NR3C1: variants seen among roughly 807,000 people sequenced by gnomAD.
NR3C1 encodes the protein nuclear receptor subfamily 3 group C member 1.
NR3C1 carries 14 observed loss-of-function variants against 74.0 expected under a neutral mutation model. The observed-to-expected ratio is 0.19, with a 90% CI of 0.12 to 0.30. The LOEUF is 0.30. Ranked by LOEUF, NR3C1 falls within the 10% of genes least tolerant of loss-of-function variation. The pLI, the probability that NR3C1 is intolerant of heterozygous loss-of-function variation, is 1.00. For missense variants in NR3C1, 695 were observed against 909.8 expected (o/e 0.76, Z 3.04); for synonymous variants, 308 against 332.5 (o/e 0.93, Z 0.80).
Position 143,283,593 on chromosome 5 carries a change from T to C in NR3C1, c.2024-868A>G, listed in dbSNP as rs116902517. Among the ~76,000 whole-genome samples, 155 of 152,344 alleles carry C rather than the reference T, an allele frequency of 1.0e-3. 3 individuals carry two copies. In the East Asian group the frequency reaches 0.022, roughly 22 times the overall value. ...TTATAACTTTAAAATCGGCATGCAA[T>C]ACTTTTTTTAATGTAGCTAATAGAT... On this transcript the variant is annotated intron_variant, in intron 7 of 8. Coordinates refer to ENST00000394464, the MANE Select transcript of NR3C1 (RefSeq NM_000176.3).
upstream of NR3C1, chr5:143,403,925 T>C (rs1200897698): frequency 1.0e-6 from 1 of 983,076 alleles, no homozygotes; most frequent in Non-Finnish European, 1.2e-6. Context: ...TGCGCCGCGC[T>C]TCGCCCCCCG....
In NR3C1 at chr5:143,400,432, TG is replaced by T; in HGVS notation, c.407del (p.Pro136GlnfsTer35). Reference sequence around the variant, plus strand: ...TGGATGCTGAACTCTTGGGGTTCTCTGGAACACTGGTCGACCTATTGAGGTT... The same window carrying T: ...TGGATGCTGAACTCTTGGGGTTCTCTGAACACTGGTCGACCTATTGAGGTT... ...IANLNRSTSV[P>X]ENPKSSASTA... On this transcript the variant is annotated frameshift_variant, in exon 2 of 9. Coordinates refer to ENST00000394464, the MANE Select transcript of NR3C1 (RefSeq NM_000176.3). LOFTEE classifies it high-confidence loss of function. The T allele has an allele frequency of 6.2e-7, 1 of 1,614,238 alleles. No individual in the cohort carries two copies. Among genetic ancestry groups the T allele is most frequent in the Non-Finnish European group, 8.5e-7 (1 of 1,180,038 alleles).
chr5:143,385,302 T>G (rs1415263475), intron 2 of NR3C1, among the ~76,000 whole-genome samples: 1 of 152,204 alleles, frequency 6.6e-6, no homozygotes. Flanking sequence ...CTGGAAACAT[T>G]TTCCCTATTC....
chr5:143,279,640 G>A lies in NR3C1; in HGVS notation c.*2249C>T. The A allele has an allele frequency of 4.7e-6, 2 of 427,104 alleles. No homozygotes were observed. The highest frequency in any genetic ancestry group is 4.6e-5 in the Admixed American group (1 of 21,880). 26.5% of individuals were successfully genotyped at this position (427,104 alleles called of 1,614,324 possible). On this transcript the variant is annotated 3_prime_UTR_variant, in exon 9 of 9. Coordinates refer to ENST00000394464, the MANE Select transcript of NR3C1 (RefSeq NM_000176.3). ...GAAAATAACAAATAACATTCAAAAAGCATTCAAAGAAAACAAAAACATGTC... is the reference window on the plus strand; with the variant it reads ...GAAAATAACAAATAACATTCAAAAAACATTCAAAGAAAACAAAAACATGTC...
Position 143,302,092 on chromosome 5 carries a change from G to A in NR3C1, c.1469-1329C>T, listed in dbSNP as rs142250245. On this transcript the variant is annotated intron_variant, in intron 4 of 8. Coordinates refer to ENST00000394464, the MANE Select transcript of NR3C1 (RefSeq NM_000176.3). ...TCAGCATATTTGGATTTAAGTCCTG[G>A]TTCTGCCATGTTGTAGCTGGATATC... Among the ~76,000 whole-genome samples the A allele has an allele frequency of 2.5e-3, 374 of 152,170 alleles. 1 individual carries two copies. Among genetic ancestry groups the A allele is most frequent in the Non-Finnish European group, 3.7e-3 (250 of 67,938 alleles).
chr5:143,302,332 A>C (rs1026651234), intron 4 of NR3C1, among the ~76,000 whole-genome samples: 1 of 152,122 alleles, frequency 6.6e-6, no homozygotes, highest in Non-Finnish European at 1.5e-5. Flanking sequence ...ATCACAACTT[A>C]ATAGAGGAGT....
chr5:143,412,233 G>T (rs1254992687), intron 1 of NR3C1, among the ~76,000 whole-genome samples: 1 of 136,910 alleles, frequency 7.3e-6, no homozygotes, highest in Non-Finnish European at 1.5e-5. Context: ...AGGCTGGATT[G>T]TTAGTCAAAT....
intron 1 of NR3C1, among the ~76,000 whole-genome samples, chr5:143,419,300 A>G (rs1314736622): frequency 6.6e-6 from 1 of 152,212 alleles, no homozygotes; most frequent in Non-Finnish European, 1.5e-5. Flanking sequence ...TTCCAAGGAC[A>G]CGGGCATATT....
chr5:143,420,015 C>G (rs1751137850), intron 1 of NR3C1, among the ~76,000 whole-genome samples: 1 of 152,154 alleles, frequency 6.6e-6, no homozygotes, highest in Non-Finnish European at 1.5e-5. Flanking sequence ...AAAAAGAATT[C>G]AGCAATATTT....
chr5:143,331,993 A>G (rs751009752), intron 2 of NR3C1, among the ~76,000 whole-genome samples: 6 of 152,230 alleles, frequency 3.9e-5, no homozygotes, highest in Non-Finnish European at 8.8e-5. Context: ...AAAAGGAACC[A>G]ATAAAACAAT....
chr5:143,294,285 T>C, intron 7 of NR3C1: 1 of 970,828 alleles, frequency 1.0e-6, no homozygotes, highest in Non-Finnish European at 1.2e-6. Context: ...AATGTACTTA[T>C]TTGTATATGA....
chr5:143,329,483 G>A (rs1825448993), intron 2 of NR3C1, among the ~76,000 whole-genome samples: 1 of 152,074 alleles, frequency 6.6e-6, no homozygotes, highest in Non-Finnish European at 1.5e-5. Flanking sequence ...TAGAGAATTG[G>A]TCCCAGAACA....
At chr5:143,404,357 G>C (rs1182273762), upstream of NR3C1, 7 of 985,274 alleles carry the variant, frequency 7.1e-6, no homozygotes, top group Non-Finnish European at 8.4e-6. Flanking sequence ...CGGGATAGCG[G>C]GGGTCGGCGC....
chr5:143,429,096 TTAA>T (rs1751682699), intron 1 of NR3C1, among the ~76,000 whole-genome samples: 1 of 152,232 alleles, frequency 6.6e-6, no homozygotes, highest in South Asian at 2.1e-4. Flanking sequence ...AATTCACTGC[TTAA>T]TAATAAATAA....
intron 2 of NR3C1, among the ~76,000 whole-genome samples, chr5:143,333,671 G>A (rs1182209845): frequency 1.3e-5 from 2 of 152,110 alleles, no homozygotes; most frequent in Non-Finnish European, 2.9e-5. Flanking sequence ...GAGAGGCTAA[G>A]GCAGGAAAAT....
intron 2 of NR3C1, among the ~76,000 whole-genome samples, chr5:143,339,343 TTC>T (rs1166751480): frequency 6.6e-6 from 1 of 152,232 alleles, no homozygotes; most frequent in Non-Finnish European, 1.5e-5. Flanking sequence ...TGTCTACATT[TTC>T]TCTTTCTAGA....
chr5:143,287,489 A>C (rs371145163), intron 7 of NR3C1, among the ~76,000 whole-genome samples: 3 of 152,170 alleles, frequency 2.0e-5, no homozygotes, highest in Non-Finnish European at 2.9e-5. Flanking sequence ...AATTCTGAAT[A>C]GATCTATATA....
In NR3C1 at chr5:143,399,847, C is replaced by A; in HGVS notation, c.993G>T (p.Met331Ile). The A allele has an allele frequency of 6.2e-7, 1 of 1,614,188 alleles. No individual in the cohort carries two copies. Among genetic ancestry groups the A allele is most frequent in the Non-Finnish European group, 8.5e-7 (1 of 1,180,032 alleles). The change falls in exon 2 of 9, where the codon ATG becomes ATT. Residue 331 changes from methionine (M) to isoleucine (I), a missense_variant. This residue lies in a region of NR3C1 where 497 missense variants were observed against 489.5 expected (regional missense o/e 1.02). Coordinates refer to ENST00000394464, the MANE Select transcript of NR3C1 (RefSeq NM_000176.3). The stretch of plus-strand genomic sequence containing the variant: ...ATGCTGTATTCATGTCATAGTGGTA[C>A]ATCTGTCCTCCAGAGGTACTCACAC... The part of the protein sequence containing the change: ...VHGVSTSGGQ[M>I]YHYDMNTASL...
chr5:143,327,205 C>CA (rs890922152), intron 2 of NR3C1, among the ~76,000 whole-genome samples: 4 of 152,078 alleles, frequency 2.6e-5, no homozygotes, highest in Admixed American at 6.6e-5. Context: ...GGAAGCAAGA[C>CA]ACGTCTCACC....
Sources: allele counts gnomAD v4.1 joint callset (sites outside exome capture counted in the v4.1 genomes callset), GRCh38; gene constraint gnomAD v4.1.1; regional missense constraint gnomAD v4.1.1; transcripts MANE v1.5; gene names NCBI Gene and HGNC (gene_info 2026-07-23, HGNC 2026-07-21).